CREBRF: variants seen among roughly 807,000 people sequenced by gnomAD.
CREBRF encodes CREB3 regulatory factor.
In CREBRF, 5 loss-of-function variants were observed where a neutral mutation model predicts 66.1. The observed-to-expected ratio is 0.08, with a 90% confidence interval of 0.04 to 0.16. CREBRF has a LOEUF of 0.16. Among genes scored for constraint, CREBRF ranks in the 10% least tolerant of loss-of-function variants. CREBRF has a pLI of 1.00. For missense variants in CREBRF, 531 were observed against 744.9 expected, an observed-to-expected ratio of 0.71 and a Z score of 3.34; for synonymous variants, 229 against 264.4, an observed-to-expected ratio of 0.87 and a Z score of 1.30.
At chr5:173,119,420 A>T (rs965808745) in intron 7 of CREBRF, among the ~76,000 whole-genome samples, 2 of 152,046 alleles carry the variant, frequency 1.3e-5, no homozygotes, top group African/African-American at 2.4e-5. Flanking sequence ...TGAGTATTTT[A>T]TGTTTTTTAG....
Position 173,135,713 on chromosome 5 carries a change from G to A in CREBRF, c.*1968G>A, listed in dbSNP as rs1581059042. 3 of 152,216 alleles carry A rather than the reference G, an allele frequency of 2.0e-5. No homozygotes were observed. Among genetic ancestry groups the A allele is most frequent in the East Asian group, 3.9e-4 (2 of 5,180 alleles). The allele number at this position is 152,216 out of a possible 1,614,324, so 9.4% of individuals were successfully genotyped here. A position where few individuals can be genotyped will look rare whatever the true frequency, so the allele number is the denominator to read the frequency against. Reference sequence around the variant, plus strand: ...CCATTTGTAAGCTATAGCATATGAAGCTATATATATAGCTTGTGAAGGTTT... The same window carrying A: ...CCATTTGTAAGCTATAGCATATGAAACTATATATATAGCTTGTGAAGGTTT... On this transcript the variant is annotated 3_prime_UTR_variant, in exon 9 of 9. Transcript: ENST00000296953.
At chr5:173,061,054 G>A (rs894492375) in intron 1 of CREBRF, among the ~76,000 whole-genome samples, 1 of 151,998 alleles carries the variant, frequency 6.6e-6, no homozygotes, top group Non-Finnish European at 1.5e-5. Context: ...TGCAACCTCC[G>A]CCTCCCGGGT....
intron 1 of CREBRF, among the ~76,000 whole-genome samples, chr5:173,076,303 C>A (rs1433038324): frequency 6.6e-6 from 1 of 152,164 alleles, no homozygotes; most frequent in Non-Finnish European, 1.5e-5. Flanking sequence ...AAGGGTCCAC[C>A]TTCCAATACT....
chr5:173,063,098 G>C (rs1479416190), intron 1 of CREBRF, among the ~76,000 whole-genome samples: 18 of 152,112 alleles, frequency 1.2e-4, no homozygotes, highest in Non-Finnish European at 1.5e-5. Context: ...GGGTAGGCTA[G>C]GATTTGGATC....
intron 4 of CREBRF, among the ~76,000 whole-genome samples, chr5:173,104,670 T>A (rs1758707247): frequency 6.6e-6 from 1 of 150,560 alleles, no homozygotes; most frequent in Non-Finnish European, 1.5e-5. Context: ...ACAGAGCAAG[T>A]CACAGTCCCA....
chr5:173,123,480 T>A, intron 8 of CREBRF: 1 of 306,338 alleles, frequency 3.3e-6, no homozygotes, highest in Non-Finnish European at 6.0e-6. Flanking sequence ...GGACAAAAGG[T>A]CCCAGAGCTG....
chr5:173,118,550 A>G (rs1274799404), intron 7 of CREBRF, among the ~76,000 whole-genome samples: 1 of 151,902 alleles, frequency 6.6e-6, no homozygotes, highest in East Asian at 1.9e-4. Context: ...GATGATGTTC[A>G]TATTTTCCCA....
Position 173,136,972 on chromosome 5 carries a change from AC to A in CREBRF, c.*3229del, listed in dbSNP as rs1357638865. The A allele has an allele frequency of 2.7e-5, 4 of 148,564 alleles. No homozygotes were observed. The highest frequency in any genetic ancestry group is 3.0e-5 in the Non-Finnish European group (2 of 66,498). The allele number at this position is 148,564 out of a possible 1,614,324, so 9.2% of individuals were successfully genotyped here. A position where few individuals can be genotyped will look rare whatever the true frequency, so the allele number is the denominator to read the frequency against. On this transcript the variant is annotated 3_prime_UTR_variant, in exon 9 of 9. Transcript: ENST00000296953. ...CTACTATGATTTAAAAAAAAAAAAA[AC>A]CAACAAAAACCTTTTTTCCTAGTTT... is the stretch of plus-strand genomic sequence containing the variant.
chr5:173,074,831 G>C (rs1581664957), intron 1 of CREBRF, among the ~76,000 whole-genome samples: 1 of 152,178 alleles, frequency 6.6e-6, no homozygotes, highest in East Asian at 1.9e-4. Flanking sequence ...ATGTTGGCCA[G>C]GCTGGTCTCG....
intron 1 of CREBRF, among the ~76,000 whole-genome samples, chr5:173,070,082 A>G (rs1757554399): frequency 6.6e-6 from 1 of 151,662 alleles, no homozygotes; most frequent in African/African-American, 2.4e-5. Flanking sequence ...TTCAGTAGAG[A>G]TGGTTTCGCC....
chr5:173,058,606 C>T (rs1476845438), intron 1 of CREBRF, among the ~76,000 whole-genome samples: 1 of 151,300 alleles, frequency 6.6e-6, no homozygotes, highest in East Asian at 1.9e-4. Flanking sequence ...GCCTCAGCCT[C>T]CGGAGTAGCT....
Position 173,056,489 on chromosome 5 carries a change from G to A in CREBRF, c.-192+10G>A, listed in dbSNP as rs1442570759. On this transcript the variant is annotated intron_variant, in intron 1 of 8. Transcript: ENST00000296953. ...GCCCCTACACCCACAGGTGAGCGCC[G>A]CCACCCGCTGCTCGGAACCCCCAGG... The A allele has an allele frequency of 5.0e-6, 2 of 398,146 alleles. No individual in the cohort carries two copies. The highest frequency in any genetic ancestry group is 8.9e-6 in the Non-Finnish European group (2 of 225,838). The allele number at this position is 398,146 out of a possible 1,614,324, so 24.7% of individuals were successfully genotyped here.
intron 8 of CREBRF, among the ~76,000 whole-genome samples, chr5:173,130,451 A>G (rs1324014465): frequency 6.6e-6 from 1 of 152,122 alleles, no homozygotes; most frequent in Non-Finnish European, 1.5e-5. Context: ...AGAAAAGGAG[A>G]AAGAATTGTA....
chr5:173,119,851 A>G (rs1044374723), intron 7 of CREBRF, among the ~76,000 whole-genome samples: 9 of 152,134 alleles, frequency 5.9e-5, no homozygotes, highest in Non-Finnish European at 1.0e-4. Flanking sequence ...TGGAACAATC[A>G]TGTATTGTTC....
chr5:173,077,145 A>G (rs1184250806), intron 1 of CREBRF, among the ~76,000 whole-genome samples: 2 of 151,894 alleles, frequency 1.3e-5, no homozygotes, highest in Non-Finnish European at 2.9e-5. Flanking sequence ...GGGTTTCACC[A>G]TATTGGCCAG....
intron 2 of CREBRF, among the ~76,000 whole-genome samples, chr5:173,084,972 C>T (rs746594591): frequency 2.0e-5 from 3 of 147,734 alleles, no homozygotes; most frequent in African/African-American, 5.0e-5. Context: ...GATGGAGTTT[C>T]GCTCTTGTTG....
At chr5:173,081,689 G>A (rs1391640956) in intron 2 of CREBRF, among the ~76,000 whole-genome samples, 5 of 152,134 alleles carry the variant, frequency 3.3e-5, no homozygotes, top group South Asian at 2.1e-4. Flanking sequence ...TTGGGAGGCC[G>A]AGACAGGCGG....
chr5:173,091,929 AC>A (rs1758353216), intron 4 of CREBRF: 1 of 329,838 alleles, frequency 3.0e-6, no homozygotes, highest in Admixed American at 6.5e-5. Flanking sequence ...TACTAAAAAT[AC>A]AAAAATCAGA....
At chr5:173,086,800 G>A (rs370478048) in intron 3 of CREBRF, among the ~76,000 whole-genome samples, 174 bp downstream of exon 3, 19 of 151,716 alleles carry the variant, frequency 1.3e-4, no homozygotes, top group African/African-American at 3.9e-4. Flanking sequence ...TTTTTGAGAC[G>A]GAGTCTCACT....
Sources: gnomAD v4.1 joint callset for allele counts (sites outside exome capture counted in the v4.1 genomes callset) on GRCh38, gnomAD v4.1.1 for gene constraint, MANE v1.5 for transcripts, NCBI Gene and HGNC (gene_info 2026-07-23, HGNC 2026-07-21) for gene names.